MYO1B: variants seen among roughly 807,000 people sequenced by gnomAD.
The protein encoded by MYO1B is unconventional myosin-Ib.
MYO1B carries 72 observed loss-of-function variants against 159.7 expected under a neutral mutation model. The ratio of observed to expected loss-of-function variants is 0.45; its 90% CI spans 0.37 to 0.55. MYO1B has a LOEUF of 0.55. MYO1B is among the 20% of genes least tolerant of loss of function. The pLI, the probability that MYO1B is intolerant of heterozygous loss-of-function variation, is 0.00. For missense variants in MYO1B, 1,062 were observed against 1,364.8 expected (o/e 0.78, Z 3.50); for synonymous variants, 468 against 473.8 (o/e 0.99, Z 0.16).
At chr2:191,383,446 T>TCA in intron 15 of MYO1B, 104 bp downstream of exon 15, 1 of 38,032 alleles carries the variant, frequency 2.6e-5, no homozygotes, top group South Asian at 1.5e-3. Flanking sequence ...TTTCACTGTT[T>TCA]TTTATATATA....
chr2:191,350,348 G>T, intron 7 of MYO1B, 123 bp downstream of exon 7: 1 of 613,750 alleles, frequency 1.6e-6, no homozygotes, highest in Non-Finnish European at 2.7e-6. Context: ...TTTATATTTA[G>T]ACTTTAAGCT....
intron 4 of MYO1B, among the ~76,000 whole-genome samples, chr2:191,337,810 A>G (rs1031718419): frequency 6.6e-6 from 1 of 152,184 alleles, no homozygotes; most frequent in Non-Finnish European, 1.5e-5. Flanking sequence ...ACTTTGAAAT[A>G]TGGTGGATGA....
intron 1 of MYO1B, among the ~76,000 whole-genome samples, chr2:191,260,253 G>GGTTTTTTTTTTTTTTTTTTTTTTT (rs1256549425): frequency 4.4e-5 from 1 of 22,616 alleles, no homozygotes; most frequent in Admixed American, 1.3e-3. Context: ...TCCCAGATAG[G>GGTTTTTTTTTTTTTTTTTTTTTTT]CTTTTTTTTT....
At chr2:191,390,514 T>C (rs770820462) in intron 18 of MYO1B, 22 bp downstream of exon 18, 23 of 1,603,152 alleles carry the variant, frequency 1.4e-5, no homozygotes, top group Middle Eastern at 3.3e-4. Flanking sequence ...AGTGACCATA[T>C]TTAATAATGA....
intron 4 of MYO1B, among the ~76,000 whole-genome samples, chr2:191,333,100 A>G (rs749963389): frequency 2.0e-5 from 3 of 152,234 alleles, no homozygotes; most frequent in African/African-American, 2.4e-5. Flanking sequence ...GCCAGGTCTC[A>G]TTTAAAATAT....
rs1697109241 is a variant in MYO1B, at chr2:191,409,198, A to G, written c.2766+20A>G. The G allele has an allele frequency of 1.9e-6, 3 of 1,594,920 alleles. No individual in the cohort carries two copies. The highest frequency in any genetic ancestry group is 1.8e-5 in the Admixed American group (1 of 54,184). ...TGGAGGGTAAAAAATGTCATATTAC[A>G]TCTTTTCGGAGACTTTCTTATTTAT... is the stretch of plus-strand genomic sequence containing the variant. On this transcript the variant is annotated intron_variant, in intron 26 of 30. Transcript: ENST00000392318.
At chr2:191,345,252 C>T (rs901075429) in intron 5 of MYO1B, among the ~76,000 whole-genome samples, 3 of 152,112 alleles carry the variant, frequency 2.0e-5, no homozygotes, top group African/African-American at 7.2e-5. Flanking sequence ...GCACTTTATC[C>T]TCATGTAGTT....
chr2:191,336,410 A>G (rs1181883405), intron 4 of MYO1B, among the ~76,000 whole-genome samples: 2 of 152,216 alleles, frequency 1.3e-5, no homozygotes, highest in African/African-American at 4.8e-5. Flanking sequence ...AGATAAGTGA[A>G]GTCAAGGCCA....
chr2:191,292,335 A>C (rs1245339263), intron 2 of MYO1B, among the ~76,000 whole-genome samples: 2 of 152,274 alleles, frequency 1.3e-5, no homozygotes, highest in Non-Finnish European at 2.9e-5. Flanking sequence ...TCCTTGGGAG[A>C]TCCTGAGAAC....
In MYO1B at chr2:191,387,465, T is replaced by A; in HGVS notation, c.1781+15T>A. 1 of 1,609,716 alleles carries A rather than the reference T, an allele frequency of 6.2e-7. No homozygotes were observed. The highest frequency in any genetic ancestry group is 2.2e-5 in the East Asian group (1 of 44,852). On this transcript the variant is annotated intron_variant, in intron 17 of 30. Coordinates refer to ENST00000392318, the MANE Select transcript of MYO1B (RefSeq NM_001130158.3). ...AACTATATTAGGTATTTTTGGCACATGAAACTTTCACAGTTCAAATGTGAG... is the reference window on the plus strand; with the variant it reads ...AACTATATTAGGTATTTTTGGCACAAGAAACTTTCACAGTTCAAATGTGAG...
intron 19 of MYO1B, 85 bp from the exon 20 acceptor site, chr2:191,392,988 G>T: frequency 8.3e-7 from 1 of 1,199,304 alleles, no homozygotes; most frequent in Non-Finnish European, 1.2e-6. Context: ...CAACATGATG[G>T]CATTTTGTCT....
chr2:191,285,792 A>G (rs575475876), intron 2 of MYO1B, among the ~76,000 whole-genome samples: 1 of 152,260 alleles, frequency 6.6e-6, no homozygotes, highest in African/African-American at 2.4e-5. Context: ...TGATACCAGA[A>G]CTGGAGAGGA....
At chr2:191,291,817 G>C (rs1394403418) in intron 2 of MYO1B, among the ~76,000 whole-genome samples, 1 of 152,216 alleles carries the variant, frequency 6.6e-6, no homozygotes, top group Non-Finnish European at 1.5e-5. Context: ...CTATCATTCT[G>C]ATCCTTGAAA....
intron 27 of MYO1B, 78 bp from the exon 28 acceptor site, chr2:191,413,970 T>C: frequency 3.5e-6 from 5 of 1,438,090 alleles, no homozygotes; most frequent in Non-Finnish European, 4.7e-6. Context: ...CTCCTTAGAA[T>C]CAACTGACCT....
At chr2:191,420,297 A>G (rs1327082003) in intron 30 of MYO1B, among the ~76,000 whole-genome samples, 2 of 152,248 alleles carry the variant, frequency 1.3e-5, no homozygotes, top group East Asian at 1.9e-4. Context: ...TTATTGAAGA[A>G]AGAAAAAATT....
intron 1 of MYO1B, among the ~76,000 whole-genome samples, chr2:191,248,471 G>T (rs1052538527): frequency 6.6e-6 from 1 of 152,168 alleles, no homozygotes; most frequent in Admixed American, 6.5e-5. Context: ...GGGCAAAATC[G>T]TCTGGTAACA....
intron 26 of MYO1B, among the ~76,000 whole-genome samples, chr2:191,410,825 C>G (rs1355725786): frequency 6.6e-6 from 1 of 152,174 alleles, no homozygotes; most frequent in African/African-American, 2.4e-5. Flanking sequence ...CCCGTGCCCA[C>G]TAGGCCCTGG....
intron 5 of MYO1B, among the ~76,000 whole-genome samples, 199 bp downstream of exon 5, chr2:191,341,764 T>C (rs536417875): frequency 1.2e-3 from 181 of 152,360 alleles, no homozygotes; most frequent in Non-Finnish European, 1.6e-3. Context: ...TTTACTAATG[T>C]AAAATGGGCT....
rs111885826 is a variant in MYO1B at position 191,404,871 on chromosome 2, C to T, written c.2556+2153C>T. Among the ~76,000 whole-genome samples the T allele has an allele frequency of 4.2e-3, 640 of 152,274 alleles. 4 individuals carry two copies. Among genetic ancestry groups the T allele is most frequent in the African/African-American group, 0.015 (610 of 41,546 alleles). ...GGAGAGTCTTGGCTTATCTTGATGT[C>T]GATGGCTGCTGACTGATGAGGGTGG... is the stretch of plus-strand genomic sequence containing the variant. On this transcript the variant is annotated intron_variant, in intron 24 of 30. Transcript: ENST00000392318.
Sources: allele counts gnomAD v4.1 joint callset (sites outside exome capture counted in the v4.1 genomes callset), GRCh38; gene constraint gnomAD v4.1.1; transcripts MANE v1.5; gene names NCBI Gene and HGNC (gene_info 2026-07-23, HGNC 2026-07-21).